The following IRAK1BP1 variants were observed in gnomAD, a reference collection of about 807,000 sequenced individuals.
The protein encoded by IRAK1BP1 is interleukin 1 receptor associated kinase 1 binding protein 1.
Under a neutral mutation model 28.0 loss-of-function variants are expected in IRAK1BP1, and 24 were observed. The observed-to-expected ratio is 0.86, with a 90% confidence interval of 0.62 to 1.20. The LOEUF (loss-of-function observed/expected upper bound fraction) is 1.20, where lower values mean the gene tolerates loss of function less well. IRAK1BP1 is among the 50% of genes most tolerant of loss of function. The pLI, the probability that IRAK1BP1 is intolerant of heterozygous loss-of-function variation, is 0.00. For missense variants in IRAK1BP1, 336 were observed against 316.7 expected (o/e 1.06, Z -0.46); for synonymous variants, 131 against 116.3 (o/e 1.13, Z -0.81).
At chr6:78,911,186 TC>T (rs890359469) in intron 4 of IRAK1BP1, among the ~76,000 whole-genome samples, 10 of 151,908 alleles carry the variant, frequency 6.6e-5, no homozygotes, top group African/African-American at 2.4e-4. Context: ...CCGGGCCACC[TC>T]CCCCGCAAAT....
chr6:78,886,568 C>G (rs1284285886), intron 2 of IRAK1BP1, among the ~76,000 whole-genome samples: 1 of 152,120 alleles, frequency 6.6e-6, no homozygotes, highest in African/African-American at 2.4e-5. Context: ...TTATAGCACT[C>G]CTCCAGTAAT....
chr6:78,904,116 C>T (rs1772196693), downstream of IRAK1BP1, among the ~76,000 whole-genome samples: 1 of 152,172 alleles, frequency 6.6e-6, no homozygotes, highest in African/African-American at 2.4e-5. Context: ...CACCTGGAAG[C>T]AGGGATGGGA....
At chr6:78,887,286 T>G (rs1006048286) in intron 2 of IRAK1BP1, among the ~76,000 whole-genome samples, 1 of 152,158 alleles carries the variant, frequency 6.6e-6, no homozygotes, top group Non-Finnish European at 1.5e-5. Flanking sequence ...GAAAAAGGTG[T>G]TCAGCATCAC....
the IRAK1BP1 span, chr6:78,957,305 T>C: frequency 6.6e-6 from 1 of 151,962 alleles, no homozygotes; most frequent in African/African-American, 2.4e-5. Flanking sequence ...ATAACACTTA[T>C]AAAAAATTAC....
chr6:78,874,354 A>T (rs1442048496), intron 1 of IRAK1BP1, among the ~76,000 whole-genome samples: 2 of 151,948 alleles, frequency 1.3e-5, no homozygotes, highest in Non-Finnish European at 2.9e-5. Flanking sequence ...GCTCAGAGGT[A>T]GTAGGGGAAG....
intron 2 of IRAK1BP1, among the ~76,000 whole-genome samples, chr6:78,885,791 TC>T (rs1771410394): frequency 6.6e-6 from 1 of 152,218 alleles, no homozygotes; most frequent in African/African-American, 2.4e-5. Flanking sequence ...GAAATGCTTT[TC>T]AACATTCTTT....
At chr6:78,910,888 G>A (rs1047311622) in intron 4 of IRAK1BP1, among the ~76,000 whole-genome samples, 2 of 152,244 alleles carry the variant, frequency 1.3e-5, no homozygotes, top group Non-Finnish European at 2.9e-5. Flanking sequence ...AGCGGAGGGC[G>A]TTAGCACCCC....
At chr6:78,941,015 T>C (rs1773474083) in intron 4 of IRAK1BP1, 1 of 1,613,964 alleles carries the variant, frequency 6.2e-7, no homozygotes, top group East Asian at 2.2e-5. Flanking sequence ...CCTTTTGGGC[T>C]TCCTACCTCC....
chr6:78,953,039 G>T, the IRAK1BP1 span, among the ~76,000 whole-genome samples: 2 of 148,862 alleles, frequency 1.3e-5, no homozygotes, highest in Admixed American at 6.6e-5. Context: ...TTATATAGGT[G>T]TTGTTTTTTT....
chr6:78,943,930 G>A (rs1773648975), intron 4 of IRAK1BP1, among the ~76,000 whole-genome samples: 1 of 135,496 alleles, frequency 7.4e-6, no homozygotes, highest in Non-Finnish European at 1.5e-5. Flanking sequence ...AGGTTGCAGT[G>A]AATGGAAATC....
chr6:78,892,373 A>C (rs929010831), intron 2 of IRAK1BP1, among the ~76,000 whole-genome samples: 1 of 152,178 alleles, frequency 6.6e-6, no homozygotes, highest in Non-Finnish European at 1.5e-5. Context: ...TGGCATTTGC[A>C]TCATATTGTT....
chr6:78,923,116 G>A (rs957590059), intron 4 of IRAK1BP1, among the ~76,000 whole-genome samples: 14 of 152,070 alleles, frequency 9.2e-5, no homozygotes, highest in African/African-American at 3.4e-4. Flanking sequence ...CCAATTAAAA[G>A]GCACAGACTG....
chr6:78,938,437 A>G (rs1773351637), intron 4 of IRAK1BP1: 1 of 151,694 alleles, frequency 6.6e-6, no homozygotes, highest in African/African-American at 2.4e-5. Context: ...TTAAAACTGT[A>G]CATTTTTTTT....
At chr6:78,975,822 G>A in the IRAK1BP1 span, among the ~76,000 whole-genome samples, 1 of 149,984 alleles carries the variant, frequency 6.7e-6, no homozygotes, top group Admixed American at 6.6e-5. Flanking sequence ...TACAAGGGAT[G>A]TGAAGGACCT....
At chr6:78,888,512 C>T (rs1003832960) in intron 2 of IRAK1BP1, among the ~76,000 whole-genome samples, 2 of 143,104 alleles carry the variant, frequency 1.4e-5, no homozygotes, top group African/African-American at 5.0e-5. Context: ...CACCTCAGTA[C>T]AGCTCCAATT....
At chr6:78,886,459 T>C (rs995015240) in intron 2 of IRAK1BP1, among the ~76,000 whole-genome samples, 3 of 152,220 alleles carry the variant, frequency 2.0e-5, no homozygotes, top group Admixed American at 6.5e-5. Flanking sequence ...GCAAAACTTA[T>C]TTCGTAGTAG....
At chr6:78,892,972 G>C (rs1771718149) in intron 2 of IRAK1BP1, among the ~76,000 whole-genome samples, 1 of 151,932 alleles carries the variant, frequency 6.6e-6, no homozygotes, top group African/African-American at 2.4e-5. Context: ...GCAGAGGAAA[G>C]TGGGGGACAA....
chr6:78,947,635 G>A (rs1468588072), downstream of IRAK1BP1: 1 of 1,428,220 alleles, frequency 7.0e-7, no homozygotes, highest in Non-Finnish European at 9.8e-7. Context: ...TTGATCTTTT[G>A]CTTGGTGTAT....
Position 78,867,903 on chromosome 6 carries a change from G to A in IRAK1BP1, c.315+12G>A, listed in dbSNP as rs1265248516. ...AGCAGGGCGTGCAGGTGAGATCTCCGCGGGGGAGGAAATAAGAGCCGGAAG... is the reference window on the plus strand; with the variant it reads ...AGCAGGGCGTGCAGGTGAGATCTCCACGGGGGAGGAAATAAGAGCCGGAAG... On this transcript the variant is annotated intron_variant, in intron 1 of 3. Transcript: ENST00000369940. 1 of 1,557,966 alleles carries A rather than the reference G, an allele frequency of 6.4e-7. No individual in the cohort carries two copies. Among genetic ancestry groups the A allele is most frequent in the South Asian group, 1.2e-5 (1 of 84,480 alleles).
Sources: allele counts gnomAD v4.1 joint callset (sites outside exome capture counted in the v4.1 genomes callset), GRCh38; gene constraint gnomAD v4.1.1; transcripts MANE v1.5; gene names NCBI Gene and HGNC (gene_info 2026-07-23, HGNC 2026-07-21).